PWWP2A: variants seen among roughly 807,000 people sequenced by gnomAD.
The protein encoded by PWWP2A is PWWP domain containing 2A.
In PWWP2A, 18 loss-of-function variants were observed where a neutral mutation model predicts 48.5. That is an observed-to-expected ratio of 0.37 (90% confidence interval 0.26 to 0.55). PWWP2A has a LOEUF of 0.55. Ranked by LOEUF, PWWP2A falls within the 20% of genes least tolerant of loss-of-function variation. The pLI, the probability that PWWP2A is intolerant of heterozygous loss-of-function variation, is 0.81. For synonymous variants in PWWP2A, 396 were observed against 387.7 expected, an observed-to-expected ratio of 1.02 and a Z score of -0.25; for missense variants, 867 against 976.4, an observed-to-expected ratio of 0.89 and a Z score of 1.49.
At chr5:160,117,423 G>A (rs1490194928) in intron 1 of PWWP2A, among the ~76,000 whole-genome samples, 1 of 152,262 alleles carries the variant, frequency 6.6e-6, no homozygotes, top group East Asian at 1.9e-4. Flanking sequence ...GGGAGGCTGA[G>A]GCGGGTGGAT....
chr5:160,050,982 T>C, the PWWP2A span: 14 of 580,686 alleles, frequency 2.4e-5, no homozygotes, highest in African/African-American at 2.4e-4. Flanking sequence ...TTGGGGTTTT[T>C]TTTTTTTATT....
chr5:160,086,639 T>C (rs1754666140), downstream of PWWP2A, among the ~76,000 whole-genome samples: 1 of 151,870 alleles, frequency 6.6e-6, no homozygotes, highest in Admixed American at 6.6e-5. Context: ...ACGCCTATAA[T>C]CCCAGCACTT....
At chr5:160,113,245 G>A in intron 1 of PWWP2A, 1 of 980,672 alleles carries the variant, frequency 1.0e-6, no homozygotes. Flanking sequence ...TTTCTTTCTT[G>A]AGTTATGTAT....
chr5:160,097,336 CAAAAAAAAAAAAAAAAAAA>C (rs70987999), intron 1 of PWWP2A, among the ~76,000 whole-genome samples: 1 of 34,364 alleles, frequency 2.9e-5, no homozygotes, highest in Admixed American at 3.0e-4. Flanking sequence ...GCCTTTGTCT[CAAAAAAAAAAAAAAAAAAA>C]AAAAAAAAAG....
downstream of PWWP2A, chr5:160,089,756 G>GC: frequency 5.0e-6 from 6 of 1,206,110 alleles, no homozygotes; most frequent in Non-Finnish European, 6.3e-6. Flanking sequence ...TCTTACTTAA[G>GC]CCGCAGATTT....
chr5:160,070,886 G>A (rs539237379), downstream of PWWP2A, among the ~76,000 whole-genome samples: 32 of 152,302 alleles, frequency 2.1e-4, no homozygotes, highest in African/African-American at 7.0e-4. Context: ...AAGTAGGGGA[G>A]TGCTTTAAGA....
At chr5:160,046,576 A>G in the PWWP2A span, among the ~76,000 whole-genome samples, 1 of 152,160 alleles carries the variant, frequency 6.6e-6, no homozygotes, top group Admixed American at 6.5e-5. Context: ...CAATGTAGCC[A>G]TTCCACCTTG....
At chr5:160,088,033 AT>A (rs1754778159), downstream of PWWP2A, among the ~76,000 whole-genome samples, 1 of 152,212 alleles carries the variant, frequency 6.6e-6, no homozygotes, top group African/African-American at 2.4e-5. Flanking sequence ...TAATGCTTTC[AT>A]TTTTTAATCC....
At chr5:160,068,468 G>A (rs140857105) in intron 2 of PWWP2A, among the ~76,000 whole-genome samples, 1,632 of 150,260 alleles carry the variant, frequency 0.011, 18 homozygotes, top group Middle Eastern at 0.026. Flanking sequence ...GCGTGGTGGC[G>A]GGCGCCTGTA....
intron 2 of PWWP2A, among the ~76,000 whole-genome samples, chr5:160,067,262 T>A: frequency 6.6e-6 from 1 of 152,276 alleles, no homozygotes; most frequent in South Asian, 2.1e-4. Flanking sequence ...TTTTGTATTA[T>A]GAAAACAGTT....
chr5:160,106,920 C>A (rs1307410915), intron 1 of PWWP2A, among the ~76,000 whole-genome samples: 1 of 149,966 alleles, frequency 6.7e-6, no homozygotes, highest in East Asian at 2.0e-4. Context: ...ACCTCCCAGG[C>A]TCAAGTGATT....
At chr5:160,101,764 G>A (rs1026469601) in intron 1 of PWWP2A, among the ~76,000 whole-genome samples, 3 of 149,968 alleles carry the variant, frequency 2.0e-5, no homozygotes, top group East Asian at 2.0e-4. Flanking sequence ...ACTTGAGCCC[G>A]AGTTCGAGGC....
At chr5:160,064,855 G>C in intron 4 of PWWP2A, 1 of 1,459,562 alleles carries the variant, frequency 6.9e-7, no homozygotes. Flanking sequence ...GTACTCAGTG[G>C]TAAGGCAAGA....
chr5:160,072,749 T>A (rs1462373757), downstream of PWWP2A, among the ~76,000 whole-genome samples: 2 of 140,924 alleles, frequency 1.4e-5, no homozygotes, highest in African/African-American at 2.6e-5. Context: ...AAATAAATAA[T>A]AAAACAAAAA....
chr5:160,111,144 T>C (rs1561701557), intron 1 of PWWP2A, among the ~76,000 whole-genome samples: 5 of 151,942 alleles, frequency 3.3e-5, no homozygotes, highest in South Asian at 2.1e-4. Context: ...CTGGGCAACA[T>C]AGCGAGACCC....
chr5:160,050,952 C>T, the PWWP2A span, among the ~76,000 whole-genome samples: 4 of 147,960 alleles, frequency 2.7e-5, no homozygotes, highest in East Asian at 2.0e-4. Flanking sequence ...CTTTATGTAG[C>T]GCACCACAAA....
chr5:160,094,198 T>A, intron 1 of PWWP2A, 133 bp from the exon 2 acceptor site: 2 of 1,100,156 alleles, frequency 1.8e-6, no homozygotes, highest in Non-Finnish European at 2.5e-6. Context: ...AAAACAAGAC[T>A]ACAAAAATCT....
At chr5:160,045,131 T>C in the PWWP2A span, among the ~76,000 whole-genome samples, 1 of 152,142 alleles carries the variant, frequency 6.6e-6, no homozygotes, top group Non-Finnish European at 1.5e-5. Flanking sequence ...TTTCAAAGCT[T>C]CTTTCTCTGT....
At chr5:160,068,801 C>T (rs531440977) in intron 2 of PWWP2A, among the ~76,000 whole-genome samples, 14 of 152,276 alleles carry the variant, frequency 9.2e-5, no homozygotes, top group Non-Finnish European at 1.9e-4. Context: ...ATCCACAAGA[C>T]GTGGTTTTAG....
Sources: gnomAD v4.1 joint callset for allele counts (sites outside exome capture counted in the v4.1 genomes callset) on GRCh38, gnomAD v4.1.1 for gene constraint, MANE v1.5 for transcripts, NCBI Gene and HGNC (gene_info 2026-07-23, HGNC 2026-07-21) for gene names.